DAPK1: variants seen among roughly 807,000 people sequenced by gnomAD.
The protein encoded by DAPK1 is death associated protein kinase 1, also known as death-associated protein kinase 1.
A neutral mutation model predicts 144.9 loss-of-function variants in DAPK1; 56 were observed. The ratio of observed to expected loss-of-function variants is 0.39; its 90% CI spans 0.31 to 0.48. The LOEUF (loss-of-function observed/expected upper bound fraction) is 0.48, where lower values mean the gene tolerates loss of function less well. Ranked by LOEUF, DAPK1 falls within the 20% of genes least tolerant of loss-of-function variation. DAPK1 has a pLI of 0.95. For missense variants in DAPK1, 1,454 were observed against 1,875.4 expected (o/e 0.78, Z 4.15); for synonymous variants, 690 against 749.0 (o/e 0.92, Z 1.29).
rs1038796413 is a variant in DAPK1, at chr9:87,650,073, G to T, written c.1581G>T (p.Val527=). 1.9e-6 allele frequency: 3 copies of T among 1,614,094 alleles called. No homozygotes were observed. In the African/African-American group the frequency reaches 4.0e-5, roughly 22 times the overall value. Residue 527 remains valine, a synonymous_variant, in exon 16 of 26, where the codon GTG becomes GTT. Transcript: ENST00000408954. ...TASARGYHDI[V]ECLAEHGADL... ...CTGCCAGGGGCTACCACGACATCGT[G>T]GAGTGTCTGGCCGAACATGGAGCCG... is the stretch of plus-strand genomic sequence containing the variant.
At chr9:87,579,181 C>T (rs555039185) in intron 2 of DAPK1, among the ~76,000 whole-genome samples, 3 of 152,344 alleles carry the variant, frequency 2.0e-5, no homozygotes, top group Non-Finnish European at 4.4e-5. Context: ...CACACACACT[C>T]ACTCAAGTGC....
At chr9:87,610,084 G>T (rs1237504296) in intron 3 of DAPK1, among the ~76,000 whole-genome samples, 3 of 152,168 alleles carry the variant, frequency 2.0e-5, no homozygotes, top group African/African-American at 7.2e-5. Context: ...TAATGGTGCA[G>T]TTGTCAAATC....
At chr9:87,552,981 G>A (rs565398692) in intron 2 of DAPK1, among the ~76,000 whole-genome samples, 38 of 152,208 alleles carry the variant, frequency 2.5e-4, no homozygotes, top group Non-Finnish European at 4.6e-4. Flanking sequence ...CCTCACTAAC[G>A]TTTATCTCCA....
intron 17 of DAPK1, chr9:87,657,533 A>G (rs1830670209): frequency 6.1e-6 from 1 of 164,456 alleles, no homozygotes; most frequent in African/African-American, 2.4e-5. Flanking sequence ...TCTTATCAAA[A>G]ACTTTAGATA....
At chr9:87,575,036 G>A (rs1435132697) in intron 2 of DAPK1, among the ~76,000 whole-genome samples, 1 of 151,788 alleles carries the variant, frequency 6.6e-6, no homozygotes, top group Non-Finnish European at 1.5e-5. Flanking sequence ...TGACCAATAT[G>A]GTGAAACCCC....
intron 3 of DAPK1, among the ~76,000 whole-genome samples, chr9:87,611,404 GC>G (rs1828923390): frequency 1.3e-5 from 2 of 152,144 alleles, no homozygotes; most frequent in African/African-American, 4.8e-5. Context: ...TCCTGCGTCA[GC>G]CTCCTGAGTA....
chr9:87,622,087 C>G (rs140783577), intron 3 of DAPK1, among the ~76,000 whole-genome samples: 102 of 151,638 alleles, frequency 6.7e-4, no homozygotes, highest in African/African-American at 2.1e-3. Flanking sequence ...GAGTTGATGG[C>G]CTCTACCATT....
intron 3 of DAPK1, among the ~76,000 whole-genome samples, chr9:87,625,473 A>G (rs1329371809): frequency 6.6e-6 from 1 of 152,190 alleles, no homozygotes; most frequent in Non-Finnish European, 1.5e-5. Context: ...TGGGGAGGAG[A>G]TGCACACGGT....
At chr9:87,647,430 A>G in intron 14 of DAPK1, 27 bp downstream of exon 14, 1 of 1,590,860 alleles carries the variant, frequency 6.3e-7, no homozygotes. Flanking sequence ...TAGGAGGAAC[A>G]TGAGGTGGTA....
chr9:87,552,308 T>C (rs1368459116), intron 2 of DAPK1, among the ~76,000 whole-genome samples: 1 of 122,694 alleles, frequency 8.2e-6, no homozygotes, highest in East Asian at 2.0e-4. Flanking sequence ...CCAACCCCGC[T>C]GACCCCATCT....
At chr9:87,683,371 G>A (rs1392196504) in intron 20 of DAPK1, among the ~76,000 whole-genome samples, 11 of 152,124 alleles carry the variant, frequency 7.2e-5, no homozygotes, top group East Asian at 1.9e-4. Context: ...GTGAGCCACC[G>A]CACCTGGCCT....
intron 2 of DAPK1, among the ~76,000 whole-genome samples, chr9:87,578,302 T>C (rs1037569571): frequency 6.6e-6 from 1 of 152,206 alleles, no homozygotes; most frequent in African/African-American, 2.4e-5. Flanking sequence ...AACCGAATAT[T>C]ACATTATGAT....
At chr9:87,634,793 C>T (rs756782638) in intron 3 of DAPK1, among the ~76,000 whole-genome samples, 7 of 152,132 alleles carry the variant, frequency 4.6e-5, no homozygotes, top group East Asian at 1.9e-4. Flanking sequence ...CCTGACATCA[C>T]GTGGGGAGGG....
chr9:87,549,364 A>G (rs1826387597), intron 2 of DAPK1, among the ~76,000 whole-genome samples: 2 of 152,054 alleles, frequency 1.3e-5, no homozygotes, highest in South Asian at 4.1e-4. Flanking sequence ...GGTTGATTCC[A>G]TGTCTTTGCT....
At chr9:87,692,571 T>C (rs1825098509) in intron 21 of DAPK1, among the ~76,000 whole-genome samples, 1 of 152,206 alleles carries the variant, frequency 6.6e-6, no homozygotes, top group African/African-American at 2.4e-5. Context: ...TTCATTATCA[T>C]TGTGGTTTGG....
chr9:87,688,052 A>G (rs1055695571), intron 21 of DAPK1, among the ~76,000 whole-genome samples: 2 of 152,108 alleles, frequency 1.3e-5, no homozygotes, highest in Non-Finnish European at 2.9e-5. Context: ...ACCTGGTCAT[A>G]TTGCATGATG....
chr9:87,522,728 C>T (rs899263411), intron 2 of DAPK1, among the ~76,000 whole-genome samples: 3 of 152,172 alleles, frequency 2.0e-5, no homozygotes, highest in Non-Finnish European at 2.9e-5. Context: ...CTTCATAGAC[C>T]GTAAGTCAGT....
intron 2 of DAPK1, among the ~76,000 whole-genome samples, chr9:87,559,158 C>T (rs140401157): frequency 2.4e-4 from 37 of 152,208 alleles, no homozygotes; most frequent in African/African-American, 8.7e-4. Flanking sequence ...TCTACTTAAC[C>T]CTATAAGTTA....
In DAPK1 at chr9:87,706,120, G is replaced by C. The variant is rs372796079; in HGVS notation, c.3061-12G>C. Reference sequence around the variant, plus strand: ...CTGTCCCTAAGCGTGACTTTCTGTTGTCCCCCCGCAGATCAACATCATGCA... The same window carrying C: ...CTGTCCCTAAGCGTGACTTTCTGTTCTCCCCCCGCAGATCAACATCATGCA... On this transcript the variant is annotated splice_polypyrimidine_tract_variant and intron_variant, in intron 25 of 25. Transcript: ENST00000408954. The surrounding 1 kb of genome is among the most constrained non-coding windows in gnomAD (Gnocchi z 9.0). 21 of 1,570,654 alleles carry C rather than the reference G, an allele frequency of 1.3e-5. No individual in the cohort carries two copies. Among genetic ancestry groups the C allele is most frequent in the Middle Eastern group, 1.7e-4 (1 of 5,896 alleles).
Sources: allele counts gnomAD v4.1 joint callset (sites outside exome capture counted in the v4.1 genomes callset), GRCh38; gene constraint gnomAD v4.1.1; non-coding constraint Gnocchi (gnomAD v3.1); transcripts MANE v1.5; gene names NCBI Gene and HGNC (gene_info 2026-07-23, HGNC 2026-07-21).